SMG6: variants seen among roughly 807,000 people sequenced by gnomAD.
SMG6 encodes telomerase-binding protein EST1A.
A neutral mutation model predicts 142.2 loss-of-function variants in SMG6; 66 were observed. That is an observed-to-expected ratio of 0.46 (90% CI 0.38 to 0.57). The LOEUF (loss-of-function observed/expected upper bound fraction) is 0.57. Ranked by LOEUF, SMG6 falls within the 20% of genes least tolerant of loss-of-function variation. The probability of loss-of-function intolerance (pLI) is 0.00; values close to 1 mark genes in which losing one functional copy is unlikely to be tolerated. For synonymous variants in SMG6, 779 were observed against 702.4 expected (o/e 1.11, Z -1.72); for missense variants, 1,793 against 1,832.0 (o/e 0.98, Z 0.39).
intron 10 of SMG6, among the ~76,000 whole-genome samples, chr17:2,223,361 A>C (rs554818712): frequency 2.6e-5 from 4 of 152,346 alleles, no homozygotes; most frequent in African/African-American, 9.6e-5. Context: ...CATAAGCTTC[A>C]AGATATGAGT....
At chr17:2,283,992 C>G (rs977463886) in intron 6 of SMG6, among the ~76,000 whole-genome samples, 7 of 152,196 alleles carry the variant, frequency 4.6e-5, no homozygotes, top group Non-Finnish European at 8.8e-5. Flanking sequence ...AAGGAATAAA[C>G]AGGCTCTTAA....
chr17:2,280,295 C>T (rs1422076026), intron 8 of SMG6, among the ~76,000 whole-genome samples: 1 of 151,862 alleles, frequency 6.6e-6, no homozygotes, highest in Non-Finnish European at 1.5e-5. Flanking sequence ...CAAAGTCTGG[C>T]TTCTTTGCCC....
intron 8 of SMG6, among the ~76,000 whole-genome samples, chr17:2,277,148 TATTTATTTA>T (rs1222576212): frequency 1.3e-5 from 1 of 75,470 alleles, no homozygotes; most frequent in African/African-American, 6.5e-5. Context: ...TTTATTTATT[TATTTATTTA>T]TTTATTTATT....
chr17:2,120,405 G>A (rs1403615922), intron 13 of SMG6, among the ~76,000 whole-genome samples: 2 of 152,194 alleles, frequency 1.3e-5, no homozygotes, highest in African/African-American at 4.8e-5. Context: ...AAGGAAGATA[G>A]GCAAAAAAGT....
chr17:2,118,897 CTTTT>C (rs57747544), intron 13 of SMG6, among the ~76,000 whole-genome samples: 9 of 129,174 alleles, frequency 7.0e-5, no homozygotes, highest in Admixed American at 7.8e-5. Flanking sequence ...CTCAATGTAG[CTTTT>C]TTTTTTTTTT....
At chr17:2,207,353 A>G (rs2072719320) in intron 10 of SMG6, among the ~76,000 whole-genome samples, 1 of 152,172 alleles carries the variant, frequency 6.6e-6, no homozygotes, top group African/African-American at 2.4e-5. Context: ...TTTCAAAATT[A>G]TCCATGATGG....
chr17:2,085,590 C>A lies in SMG6; in HGVS notation c.3534+135G>T. 3 of 906,698 alleles carry A rather than the reference C, an allele frequency of 3.3e-6. No individual in the cohort carries two copies. Among genetic ancestry groups the A allele is most frequent in the Non-Finnish European group, 5.1e-6 (3 of 592,850 alleles). The allele number at this position is 906,698 out of a possible 1,614,324, so 56.2% of individuals were successfully genotyped here. ...AAGGGGCACCATCAGAGCACACTCT[C>A]GAGAAGCTGGCTGGTCACATTAACA... is the stretch of plus-strand genomic sequence containing the variant. On this transcript the variant is annotated intron_variant, in intron 14 of 18. Coordinates refer to ENST00000263073, the MANE Select transcript of SMG6 (RefSeq NM_017575.5). The surrounding 1 kb of genome is among the most constrained non-coding windows in gnomAD (Gnocchi z 4.1).
chr17:2,253,416 A>C (rs2074093741), intron 8 of SMG6, among the ~76,000 whole-genome samples: 1 of 152,060 alleles, frequency 6.6e-6, no homozygotes, highest in Non-Finnish European at 1.5e-5. Context: ...GTAGCCTAAA[A>C]TATTTACTAT....
chr17:2,221,457 C>G (rs1195766582), intron 10 of SMG6, among the ~76,000 whole-genome samples: 1 of 152,162 alleles, frequency 6.6e-6, no homozygotes, highest in Non-Finnish European at 1.5e-5. Flanking sequence ...TCCTGTACAG[C>G]CTGTGGAACT....
intron 15 of SMG6, 126 bp downstream of exon 15, chr17:2,081,684 T>G (rs2068428058): frequency 4.3e-6 from 5 of 1,156,234 alleles, no homozygotes; most frequent in Non-Finnish European, 6.2e-6. Context: ...CGGGTAGAGC[T>G]AGAGAGAACA....
intron 13 of SMG6, among the ~76,000 whole-genome samples, chr17:2,086,569 C>T (rs1031884454): frequency 6.6e-5 from 10 of 152,210 alleles, no homozygotes; most frequent in Non-Finnish European, 1.3e-4. Flanking sequence ...TTACGCCAAC[C>T]TGCTCCCATG....
Position 2,299,253 on chromosome 17 carries a change from C to A in SMG6, c.1500G>T (p.Lys500Asn). Residue 500 changes from lysine (K) to asparagine (N), a missense_variant, in exon 2 of 19, where the codon AAG (lysine) becomes AAT (asparagine). Lys to Asn is a moderately conservative substitution (Grantham distance 94). Coordinates refer to ENST00000263073, the MANE Select transcript of SMG6 (RefSeq NM_017575.5). This position sits in a 1 kb window ranked among gnomAD's most constrained non-coding sequence, Gnocchi z 4.3. ...AATAGGGGTTGTCAGAGTTTTGAAA[C>A]TTATAGTAAGATGCCTGAGCCTGGC... The part of the protein sequence containing the change: ...DSRQAQASYY[K>N]FQNSDNPYYY... The A allele has an allele frequency of 6.2e-7, 1 of 1,614,032 alleles. No individual in the cohort carries two copies. Among genetic ancestry groups the A allele is most frequent in the Non-Finnish European group, 8.5e-7 (1 of 1,180,000 alleles).
At chr17:2,178,297 G>C (rs2071706485) in intron 12 of SMG6, among the ~76,000 whole-genome samples, 1 of 152,088 alleles carries the variant, frequency 6.6e-6, no homozygotes, top group South Asian at 2.1e-4. Flanking sequence ...AAGAGACAAA[G>C]GTATCAAAGG....
intron 13 of SMG6, among the ~76,000 whole-genome samples, chr17:2,131,962 C>A (rs2070135892): frequency 6.6e-6 from 1 of 152,012 alleles, no homozygotes; most frequent in Non-Finnish European, 1.5e-5. Flanking sequence ...ATCCCAGCTA[C>A]CCGGGAGACT....
At chr17:2,191,846 T>G (rs2072173936) in intron 10 of SMG6, among the ~76,000 whole-genome samples, 1 of 152,180 alleles carries the variant, frequency 6.6e-6, no homozygotes, top group South Asian at 2.1e-4. Context: ...TTGCATGAAA[T>G]CAGGAAATGG....
At chr17:2,231,237 A>AT (rs2073483803) in intron 10 of SMG6, among the ~76,000 whole-genome samples, 1 of 152,146 alleles carries the variant, frequency 6.6e-6, no homozygotes, top group Non-Finnish European at 1.5e-5. Context: ...ACTCAACTAG[A>AT]GTCACCTCCC....
intron 13 of SMG6, among the ~76,000 whole-genome samples, chr17:2,103,386 C>T (rs536515667): frequency 1.3e-5 from 2 of 152,290 alleles, no homozygotes; most frequent in South Asian, 4.1e-4. Context: ...GTATAGGTTA[C>T]TCTCATATGA....
chr17:2,211,164 C>A (rs2072848344), intron 10 of SMG6, among the ~76,000 whole-genome samples: 1 of 144,890 alleles, frequency 6.9e-6, no homozygotes, highest in Admixed American at 6.9e-5. Context: ...TTAGACTGGA[C>A]AACAGTTCAA....
At chr17:2,291,291 A>C (rs977335120) in intron 6 of SMG6, among the ~76,000 whole-genome samples, 1 of 151,870 alleles carries the variant, frequency 6.6e-6, no homozygotes, top group East Asian at 1.9e-4. Flanking sequence ...AGATCGCGCC[A>C]CTGCACTCCA....
Sources: allele counts gnomAD v4.1 joint callset (sites outside exome capture counted in the v4.1 genomes callset), GRCh38; gene constraint gnomAD v4.1.1; non-coding constraint Gnocchi (gnomAD v3.1); transcripts MANE v1.5; gene names NCBI Gene and HGNC (gene_info 2026-07-23, HGNC 2026-07-21).